CEP89: variants seen among roughly 807,000 people sequenced by gnomAD.
CEP89 encodes centrosomal protein of 89 kDa.
In CEP89, 95 loss-of-function variants were observed where a neutral mutation model predicts 97.6. The observed-to-expected ratio is 0.97, with a 90% CI of 0.82 to 1.15. CEP89 has a LOEUF of 1.15. CEP89 is among the 50% of genes most tolerant of loss of function. The pLI is 0.00. For synonymous variants in CEP89, 354 were observed against 349.1 expected (o/e 1.01, Z -0.16); for missense variants, 869 against 947.7 (o/e 0.92, Z 1.09).
rs545560156 is a variant in CEP89, at chr19:32,939,659, C to T, written c.624+198G>A. ...CGCCACTGCACTCCAGTCTGGGTGACAGTGAGACCCCCTTCTCAAAAAAAA... is the reference window on the plus strand; with the variant it reads ...CGCCACTGCACTCCAGTCTGGGTGATAGTGAGACCCCCTTCTCAAAAAAAA... On this transcript the variant is annotated intron_variant, in intron 6 of 18. Coordinates refer to ENST00000305768, the MANE Select transcript of CEP89 (RefSeq NM_032816.5). Among the ~76,000 whole-genome samples the T allele has an allele frequency of 2.1e-5, 3 of 144,808 alleles. No individual in the cohort carries two copies. In the Admixed American group the frequency reaches 2.2e-4, roughly 10 times the overall value. The allele number at this position is 144,808 out of a possible 152,430, so 95.0% of individuals were successfully genotyped here. A position where few individuals can be genotyped will look rare whatever the true frequency, so the allele number is the denominator to read the frequency against.
intron 5 of CEP89, among the ~76,000 whole-genome samples, chr19:32,944,330 G>A (rs1453984630): frequency 2.6e-5 from 4 of 151,788 alleles, no homozygotes; most frequent in Admixed American, 1.3e-4. Context: ...AGCACACAAC[G>A]AATGATAGCA....
chr19:32,904,507 G>A (rs4805015), intron 14 of CEP89, among the ~76,000 whole-genome samples: 119,916 of 152,034 alleles, frequency 0.79, 47,317 homozygotes, highest in Admixed American at 0.81. Flanking sequence ...AAGCTTTGTC[G>A]ATGGTTCCTT....
chr19:32,895,614 C>T (rs574048776), intron 16 of CEP89, among the ~76,000 whole-genome samples: 5 of 152,134 alleles, frequency 3.3e-5, no homozygotes, highest in African/African-American at 1.2e-4. Flanking sequence ...GAAGTCCTAG[C>T]AAGAGCAGTC....
chr19:32,912,562 G>C (rs2145903034), intron 14 of CEP89, among the ~76,000 whole-genome samples: 1 of 152,216 alleles, frequency 6.6e-6, no homozygotes, highest in African/African-American at 2.4e-5. Flanking sequence ...ATTTTTAAAA[G>C]AAATCTCACT....
intron 16 of CEP89, among the ~76,000 whole-genome samples, chr19:32,893,015 T>C (rs1478605928): frequency 1.3e-5 from 2 of 152,018 alleles, no homozygotes; most frequent in Admixed American, 1.3e-4. Context: ...AACAAAATGA[T>C]AGGAGTAAGT....
At chr19:32,897,289 T>C (rs964307822) in intron 16 of CEP89, among the ~76,000 whole-genome samples, 2 of 152,220 alleles carry the variant, frequency 1.3e-5, no homozygotes, top group African/African-American at 4.8e-5. Context: ...AGGAAAGGTA[T>C]ATTTAACATT....
rs1157410820 is a variant in CEP89 at position 32,969,249 on chromosome 19, CTT to C, written c.39+2585_39+2586del. ...CATCCTGTCCCCTCGTCTCTACCAT[CTT>C]CATCCTCTGGCTATTCTCTGCGCTG... is the stretch of plus-strand genomic sequence containing the variant. On this transcript the variant is annotated intron_variant, in intron 1 of 18. Coordinates refer to ENST00000305768, the MANE Select transcript of CEP89 (RefSeq NM_032816.5). The C allele has an allele frequency of 3.3e-5, 5 of 152,534 alleles. No individual in the cohort carries two copies. In the East Asian group the frequency reaches 9.6e-4, roughly 29 times the overall value. The allele number at this position is 152,534 out of a possible 1,614,324, so 9.4% of individuals were successfully genotyped here.
Position 32,915,321 on chromosome 19 carries a change from A to T in CEP89, c.1565+16T>A. 6.4e-7 allele frequency: 1 copy of T among 1,562,658 alleles called. No individual in the cohort carries two copies. The highest frequency in any genetic ancestry group is 8.6e-7 in the Non-Finnish European group (1 of 1,160,842). The stretch of plus-strand genomic sequence containing the variant: ...AAAAGAAAAAAAAAAAAAAAGAAAA[A>T]ACATTAAATCCTTACCTTTTTAATT... On this transcript the variant is annotated intron_variant, in intron 14 of 18. Transcript: ENST00000305768.
intron 11 of CEP89, among the ~76,000 whole-genome samples, chr19:32,923,996 A>G (rs191196443): frequency 6.7e-4 from 100 of 148,696 alleles, no homozygotes; most frequent in Non-Finnish European, 1.3e-3. Context: ...TGGGAGTTGG[A>G]GGAAGCTCTT....
chr19:32,971,738 T>C (rs1481598532), intron 1 of CEP89, 98 bp downstream of exon 1: 5 of 1,240,086 alleles, frequency 4.0e-6, no homozygotes, highest in Non-Finnish European at 4.6e-6. Context: ...GCCGCCCCCT[T>C]GACTGGATCT....
At position 32,933,557 on chromosome 19, in the gene CEP89, T is replaced by A. The variant is rs1421651063; in HGVS notation, c.780A>T (p.Glu260Asp). 1 of 1,613,416 alleles carries A rather than the reference T, an allele frequency of 6.2e-7. No homozygotes were observed. The highest frequency in any genetic ancestry group is 8.5e-7 in the Non-Finnish European group (1 of 1,179,444). Reference sequence around the variant, plus strand: ...TCATTGCTTGTTTCATTGTGTTTAGTTCAAGGGTAAGGCTTTGATTCATAT... The same window carrying A: ...TCATTGCTTGTTTCATTGTGTTTAGATCAAGGGTAAGGCTTTGATTCATAT... ...LNNMNQSLTL[E>D]LNTMKQAMKE... Residue 260 changes from glutamate to aspartate, a missense_variant, in exon 8 of 19, where the codon GAA becomes GAT. By Grantham distance (45) the Glu-to-Asp change is conservative. Coordinates refer to ENST00000305768, the MANE Select transcript of CEP89 (RefSeq NM_032816.5).
At chr19:32,907,767 A>G (rs539857578) in intron 14 of CEP89, among the ~76,000 whole-genome samples, 1 of 152,238 alleles carries the variant, frequency 6.6e-6, no homozygotes, top group East Asian at 1.9e-4. Context: ...TTGTAATTTT[A>G]GTAGAGACAG....
intron 8 of CEP89, 33 bp downstream of exon 8, chr19:32,933,418 T>C: frequency 1.4e-6 from 2 of 1,423,020 alleles, no homozygotes; most frequent in East Asian, 4.5e-5. Context: ...GTCCTGCTCA[T>C]TCCTCTAATA....
chr19:32,915,300 GAAAAAAAA>G, intron 14 of CEP89, 29 bp downstream of exon 14: 1 of 1,221,810 alleles, frequency 8.2e-7, no homozygotes, highest in Non-Finnish European at 1.1e-6. Context: ...CTCGAAAAAA[GAAAAAAAA>G]AAAAAAAGAA....
At chr19:32,903,142 A>C (rs1482777621) in intron 14 of CEP89, among the ~76,000 whole-genome samples, 1 of 151,854 alleles carries the variant, frequency 6.6e-6, no homozygotes, top group East Asian at 1.9e-4. Context: ...AGGACCTCAA[A>C]ACCAGCCTGG....
rs529974074 is a variant in CEP89, at chr19:32,902,917, G to A, written c.1566-1505C>T. On this transcript the variant is annotated intron_variant, in intron 14 of 18. Transcript: ENST00000305768. ...TAGTTCATACCCCACCAGTCAGAAT[G>A]GAAAGGCCTTATAATAAAAGAGATA... 1.3e-4 allele frequency among the ~76,000 whole-genome samples: 20 copies of A among 152,318 alleles called. No homozygotes were observed. The South Asian group carries it at 1.9e-3, about 14-fold the overall frequency.
intron 3 of CEP89, among the ~76,000 whole-genome samples, chr19:32,954,580 T>A (rs529060443): frequency 6.6e-6 from 1 of 151,394 alleles, no homozygotes; most frequent in South Asian, 2.1e-4. Context: ...CTTGAACTCC[T>A]TGGCTCAAGG....
intron 12 of CEP89, among the ~76,000 whole-genome samples, chr19:32,920,409 C>A (rs1266543787): frequency 6.6e-6 from 1 of 152,054 alleles, no homozygotes; most frequent in Non-Finnish European, 1.5e-5. Context: ...AGGGATCAAT[C>A]CCCCATTCCT....
intron 12 of CEP89, among the ~76,000 whole-genome samples, chr19:32,921,789 A>C (rs963754063): frequency 6.6e-6 from 1 of 152,196 alleles, no homozygotes; most frequent in Non-Finnish European, 1.5e-5. Context: ...CAGGGAGGTC[A>C]CAGAGCACCA....
Sources: allele counts gnomAD v4.1 joint callset (sites outside exome capture counted in the v4.1 genomes callset), GRCh38; gene constraint gnomAD v4.1.1; transcripts MANE v1.5; gene names NCBI Gene and HGNC (gene_info 2026-07-23, HGNC 2026-07-21).